Variants in RRAGC observed in about 807,000 individuals in gnomAD.
RRAGC encodes Ras related GTP binding C.
Under a neutral mutation model 37.1 loss-of-function variants are expected in RRAGC, and 8 were observed. That is an observed-to-expected ratio of 0.22 (90% CI 0.13 to 0.39). The LOEUF is 0.39. Ranked by LOEUF, RRAGC falls within the 10% of genes least tolerant of loss-of-function variation. The pLI is 1.00. For missense variants in RRAGC, 342 were observed against 497.6 expected (o/e 0.69, Z 2.98); for synonymous variants, 190 against 181.1 (o/e 1.05, Z -0.39).
In RRAGC at chr1:38,844,730, C is replaced by G. The variant is rs190743263; in HGVS notation, c.1048+1209G>C. On this transcript the variant is annotated intron_variant, in intron 6 of 6. Coordinates refer to ENST00000373001, the MANE Select transcript of RRAGC (RefSeq NM_022157.4). Reference sequence around the variant, plus strand: ...GAGAATATTTTTACAATCTACCCATCTGACAAACGGCTAATATCCAGAATC... The same window carrying G: ...GAGAATATTTTTACAATCTACCCATGTGACAAACGGCTAATATCCAGAATC... Among the ~76,000 whole-genome samples the G allele has an allele frequency of 8.0e-4, 122 of 152,290 alleles. 1 individual carries two copies. The East Asian group carries it at 0.02, about 25-fold the overall frequency.
At chr1:38,858,642 G>A (rs1405325325) in intron 1 of RRAGC, among the ~76,000 whole-genome samples, 1 of 152,226 alleles carries the variant, frequency 6.6e-6, no homozygotes, top group Non-Finnish European at 1.5e-5. Flanking sequence ...AGGTTGCAGT[G>A]AGCCGAGATT....
chr1:38,857,339 T>C (rs565052559), intron 1 of RRAGC, among the ~76,000 whole-genome samples: 6 of 152,338 alleles, frequency 3.9e-5, no homozygotes, highest in East Asian at 1.9e-4. Context: ...TCAGTACTAA[T>C]AGTAGCAATC....
At chr1:38,858,160 G>C (rs965581683) in intron 1 of RRAGC, among the ~76,000 whole-genome samples, 2 of 151,954 alleles carry the variant, frequency 1.3e-5, no homozygotes, top group Non-Finnish European at 2.9e-5. Flanking sequence ...TGAAAATCAA[G>C]GTAAATAAAA....
rs144487054 is a variant in RRAGC, at chr1:38,854,257, C to T, written c.641+1451G>A. 9.2e-3 allele frequency among the ~76,000 whole-genome samples: 1,399 copies of T among 152,072 alleles called. 17 individuals carry two copies. Among genetic ancestry groups the T allele is most frequent in the African/African-American group, 0.032 (1,320 of 41,460 alleles). On this transcript the variant is annotated intron_variant, in intron 3 of 6. Transcript: ENST00000373001. The stretch of plus-strand genomic sequence containing the variant: ...TAATTTTTTGTATTTTTAGTAGAGA[C>T]GGAGTTTCGCCATGTTGGCCAGGCT...
At chr1:38,853,636 A>T (rs1348534697) in intron 3 of RRAGC, among the ~76,000 whole-genome samples, 1 of 152,046 alleles carries the variant, frequency 6.6e-6, no homozygotes, top group East Asian at 1.9e-4. Flanking sequence ...AATCCCAGCT[A>T]CTTGGGAGGC....
At chr1:38,848,033 C>CAGA (rs1642049092) in intron 5 of RRAGC, 1 of 110,514 alleles carries the variant, frequency 9.0e-6, no homozygotes, top group South Asian at 3.2e-4. Context: ...GACCCTATCT[C>CAGA]AAAAAAAAAA....
intron 5 of RRAGC, 27 bp from the exon 6 acceptor site, chr1:38,846,114 T>G: frequency 6.3e-7 from 1 of 1,580,928 alleles, no homozygotes; most frequent in East Asian, 2.3e-5. Flanking sequence ...TACTATTCAT[T>G]ACAGGTTTCC....
chr1:38,859,123 C>T (rs1039687624), intron 1 of RRAGC, among the ~76,000 whole-genome samples: 2 of 152,262 alleles, frequency 1.3e-5, no homozygotes, highest in African/African-American at 4.8e-5. Flanking sequence ...GTAAATGACA[C>T]AGGAGCTGGG....
intron 5 of RRAGC, among the ~76,000 whole-genome samples, chr1:38,849,997 G>A (rs979737553): frequency 2.6e-5 from 4 of 151,644 alleles, no homozygotes; most frequent in South Asian, 2.1e-4. Flanking sequence ...ACGAGGTCAG[G>A]AGTTCGAGAC....
chr1:38,850,279 G>A (rs1188741547), intron 5 of RRAGC, among the ~76,000 whole-genome samples: 3 of 152,052 alleles, frequency 2.0e-5, no homozygotes, highest in African/African-American at 7.2e-5. Context: ...GGGAGGCCGA[G>A]GCGGGTGGAT....
chr1:38,855,118 G>A (rs1642151948), intron 3 of RRAGC, among the ~76,000 whole-genome samples: 1 of 152,104 alleles, frequency 6.6e-6, no homozygotes, highest in African/African-American at 2.4e-5. Flanking sequence ...ACATTTATAA[G>A]ATAAACCCAC....
At chr1:38,845,510 G>C (rs1167079095) in intron 6 of RRAGC, among the ~76,000 whole-genome samples, 1 of 152,166 alleles carries the variant, frequency 6.6e-6, no homozygotes, top group Non-Finnish European at 1.5e-5. Context: ...AACATTAGGA[G>C]AAATACCTAA....
At position 38,859,744 on chromosome 1, in the gene RRAGC, G is replaced by T; in HGVS notation, c.-98C>A. 9.4e-7 allele frequency: 1 copy of T among 1,063,800 alleles called. No individual in the cohort carries two copies. The highest frequency in any genetic ancestry group is 1.2e-6 in the Non-Finnish European group (1 of 841,136). 65.9% of individuals were successfully genotyped at this position (1,063,800 alleles called of 1,614,324 possible). A position where few individuals can be genotyped will look rare whatever the true frequency, so the allele number is the denominator to read the frequency against. On this transcript the variant is annotated 5_prime_UTR_variant, in exon 1 of 7. Transcript: ENST00000373001. Reference sequence around the variant, plus strand: ...CGCCTCCGCCGCCGCCGCCACCACCGCCACCGCCCCCGGCAGCCGCCACAG... The same window carrying T: ...CGCCTCCGCCGCCGCCGCCACCACCTCCACCGCCCCCGGCAGCCGCCACAG...
rs368083733 is a variant in RRAGC at position 38,853,473 on chromosome 1, C to T, written c.642-985G>A. ...ATTTAAAGATACTTTCAGCTGGGCG[C>T]GATGGCTCACGCCTGTAATCCCAGC... On this transcript the variant is annotated intron_variant, in intron 3 of 6. Coordinates refer to ENST00000373001, the MANE Select transcript of RRAGC (RefSeq NM_022157.4). Among the ~76,000 whole-genome samples, 25 of 152,270 alleles carry T rather than the reference C, an allele frequency of 1.6e-4. No individual in the cohort carries two copies. The East Asian group carries it at 4.3e-3, about 26-fold the overall frequency.
chr1:38,851,430 G>A (rs1030016974), intron 5 of RRAGC, 185 bp downstream of exon 5: 11 of 425,198 alleles, frequency 2.6e-5, no homozygotes, highest in East Asian at 1.5e-4. Flanking sequence ...GCCATTCTCC[G>A]AAGGAGTAAG....
chr1:38,841,664 T>C (rs1415463559), intron 6 of RRAGC, among the ~76,000 whole-genome samples: 1 of 145,804 alleles, frequency 6.9e-6, no homozygotes, highest in Non-Finnish European at 1.5e-5. Context: ...ACACCCACTC[T>C]AAAAAAAAAA....
chr1:38,853,616 G>A lies in RRAGC; in HGVS notation c.642-1128C>T, dbSNP rs1002213516. Among the ~76,000 whole-genome samples, 10 of 152,038 alleles carry A rather than the reference G, an allele frequency of 6.6e-5. 1 individual carries two copies. The highest frequency in any genetic ancestry group is 3.3e-4 in the Admixed American group (5 of 15,270). ...CAAAAAATTAGCCAGGCGTGGTGGC[G>A]CATGCCTGTAATCCCAGCTACTTGG... On this transcript the variant is annotated intron_variant, in intron 3 of 6. Transcript: ENST00000373001.
At chr1:38,847,018 G>C (rs1216261367) in intron 5 of RRAGC, 1 of 152,194 alleles carries the variant, frequency 6.6e-6, no homozygotes, top group Non-Finnish European at 1.5e-5. Flanking sequence ...GCTAAGGCAG[G>C]AGAATCGCTT....
chr1:38,849,526 TA>T (rs1299624868), intron 5 of RRAGC, among the ~76,000 whole-genome samples: 1 of 150,718 alleles, frequency 6.6e-6, no homozygotes, highest in Admixed American at 6.6e-5. Flanking sequence ...CTGTCTCTAC[TA>T]AAAATACAAA....
Sources: allele counts gnomAD v4.1 joint callset (sites outside exome capture counted in the v4.1 genomes callset), GRCh38; gene constraint gnomAD v4.1.1; transcripts MANE v1.5; gene names NCBI Gene and HGNC (gene_info 2026-07-23, HGNC 2026-07-21).